The following DOCK10 variants were observed in gnomAD, a reference collection of about 807,000 sequenced individuals.
DOCK10 encodes the protein dedicator of cytokinesis protein 10.
DOCK10 carries 145 observed loss-of-function variants against 280.1 expected under a neutral mutation model. The ratio of observed to expected loss-of-function variants is 0.52; its 90% CI spans 0.45 to 0.59. DOCK10 has a LOEUF of 0.59. DOCK10 is among the 20% of genes least tolerant of loss of function. DOCK10 has a pLI of 0.00. For synonymous variants in DOCK10, 915 were observed against 942.2 expected (o/e 0.97, Z 0.53); for missense variants, 2,368 against 2,651.7 (o/e 0.89, Z 2.35).
At chr2:224,930,746 TTGCC>T (rs1304215040) in intron 2 of DOCK10, among the ~76,000 whole-genome samples, 3 of 152,164 alleles carry the variant, frequency 2.0e-5, no homozygotes, top group Non-Finnish European at 4.4e-5. Context: ...GCCTTTTTAT[TTGCC>T]TTAAGATGTT....
intron 1 of DOCK10, among the ~76,000 whole-genome samples, chr2:225,024,864 T>C (rs549697305): frequency 6.6e-6 from 1 of 151,550 alleles, no homozygotes; most frequent in Non-Finnish European, 1.5e-5. Flanking sequence ...TGCTCCACTG[T>C]GAGCAACCAA....
intron 1 of DOCK10, among the ~76,000 whole-genome samples, chr2:224,959,633 A>G (rs918041121): frequency 3.3e-5 from 5 of 152,152 alleles, no homozygotes; most frequent in Non-Finnish European, 7.3e-5. Context: ...TGCCCTTGAC[A>G]TGATTTGTAA....
chr2:224,837,895 T>C (rs961317276), intron 24 of DOCK10, 64 bp from the exon 25 acceptor site: 2 of 1,236,316 alleles, frequency 1.6e-6, no homozygotes, highest in Non-Finnish European at 2.4e-6. Context: ...CTTTAGTTTG[T>C]CATTACAGTG....
At chr2:224,879,064 G>A (rs929204327) in intron 7 of DOCK10, among the ~76,000 whole-genome samples, 1 of 152,210 alleles carries the variant, frequency 6.6e-6, no homozygotes, top group Admixed American at 6.5e-5. Flanking sequence ...AAGAGGTACT[G>A]GGTTCTATGA....
In DOCK10 at chr2:224,778,370, CAT is replaced by C. The variant is rs571903266; in HGVS notation, c.5656-88_5656-87del. On this transcript the variant is annotated intron_variant, in intron 50 of 55. Coordinates refer to ENST00000258390, the MANE Select transcript of DOCK10 (RefSeq NM_014689.3). ...AACAAAAAGCCATTTACTTAAAAAA[CAT>C]ATACAGTTTTTGGTTGTCATCTAAT... The C allele has an allele frequency of 6.9e-4, 940 of 1,368,744 alleles. 3 individuals are homozygous for C. The highest frequency in any genetic ancestry group is 2.8e-3 in the Middle Eastern group (16 of 5,634). 84.8% of individuals were successfully genotyped at this position (1,368,744 alleles called of 1,614,324 possible).
Position 224,765,523 on chromosome 2 carries a change from G to C in DOCK10, c.*198C>G, listed in dbSNP as rs1690036132. ...TCATGGCAAATATTCAACCTGGCTT[G>C]ATCAACACTGCTCAAAGAAAAAAAA... On this transcript the variant is annotated 3_prime_UTR_variant, in exon 56 of 56. Transcript: ENST00000258390. 2.0e-6 allele frequency: 1 copy of C among 505,008 alleles called. No homozygotes were observed. Among genetic ancestry groups the C allele is most frequent in the Non-Finnish European group, 3.5e-6 (1 of 283,942 alleles). 31.3% of individuals were successfully genotyped at this position (505,008 alleles called of 1,614,324 possible).
intron 1 of DOCK10, among the ~76,000 whole-genome samples, chr2:225,019,753 G>A (rs1689736440): frequency 6.6e-6 from 1 of 152,042 alleles, no homozygotes. Context: ...GGAATGTGAG[G>A]GTGAACAAAA....
intron 2 of DOCK10, among the ~76,000 whole-genome samples, chr2:224,922,290 A>C (rs908186739): frequency 1.3e-5 from 2 of 152,210 alleles, no homozygotes; most frequent in Non-Finnish European, 2.9e-5. Flanking sequence ...GGGTTTTAAT[A>C]TGGTTACAAA....
intron 3 of DOCK10, among the ~76,000 whole-genome samples, chr2:224,913,718 G>GTTTATTTATTTATTTA (rs113890271): frequency 2.0e-5 from 3 of 150,334 alleles, no homozygotes; most frequent in Admixed American, 6.6e-5. Context: ...TTGTTTGTCT[G>GTTTATTTATTTATTTA]TTTATTTATT....
intron 1 of DOCK10, among the ~76,000 whole-genome samples, chr2:225,015,376 C>T (rs143347209): frequency 3.9e-5 from 6 of 152,242 alleles, no homozygotes; most frequent in African/African-American, 7.2e-5. Context: ...TTTAAAGAAG[C>T]CTTTTCCAGA....
At chr2:224,782,416 A>C (rs893990421) in intron 50 of DOCK10, among the ~76,000 whole-genome samples, 2 of 152,164 alleles carry the variant, frequency 1.3e-5, no homozygotes, top group African/African-American at 4.8e-5. Flanking sequence ...ACTTGCTTTC[A>C]TGTTAAATAC....
At chr2:224,804,669 C>A (rs1437157599) in intron 38 of DOCK10, 125 bp downstream of exon 38, 13 of 681,424 alleles carry the variant, frequency 1.9e-5, no homozygotes, top group Non-Finnish European at 2.7e-5. Flanking sequence ...GTGACGTCAA[C>A]CTAACAATCC....
At chr2:224,931,507 G>A in intron 2 of DOCK10, 42 bp downstream of exon 2, 2 of 1,563,500 alleles carry the variant, frequency 1.3e-6, no homozygotes, top group Non-Finnish European at 1.7e-6. Flanking sequence ...CCAATGTGTA[G>A]GGCCCTCCTG....
intron 1 of DOCK10, among the ~76,000 whole-genome samples, chr2:225,023,158 C>T (rs1319178303): frequency 6.6e-6 from 1 of 152,064 alleles, no homozygotes; most frequent in Non-Finnish European, 1.5e-5. Flanking sequence ...GCCTCAGCCT[C>T]CCGAGTAGCT....
intron 1 of DOCK10, among the ~76,000 whole-genome samples, chr2:225,039,593 C>T (rs1341188329): frequency 6.6e-6 from 1 of 152,094 alleles, no homozygotes; most frequent in Non-Finnish European, 1.5e-5. Context: ...TCAACAACTG[C>T]CTTAAAATTT....
intron 50 of DOCK10, among the ~76,000 whole-genome samples, chr2:224,780,671 G>A (rs1036491280): frequency 1.3e-5 from 2 of 152,102 alleles, no homozygotes; most frequent in Non-Finnish European, 2.9e-5. Flanking sequence ...GGAGTCCGAG[G>A]TGGGCGGATC....
At chr2:224,865,392 T>C (rs182253216) in intron 11 of DOCK10, among the ~76,000 whole-genome samples, 44 of 152,322 alleles carry the variant, frequency 2.9e-4, no homozygotes, top group African/African-American at 1.0e-3. Context: ...CACCTAAGTC[T>C]CCAAGGCCCT....
chr2:224,779,943 T>A (rs1341228584), intron 50 of DOCK10, among the ~76,000 whole-genome samples: 1 of 152,156 alleles, frequency 6.6e-6, no homozygotes, highest in Non-Finnish European at 1.5e-5. Flanking sequence ...CAACATTGCA[T>A]GCCCAGTGTT....
chr2:224,798,675 A>T (rs1331063651), intron 41 of DOCK10, among the ~76,000 whole-genome samples: 1 of 149,368 alleles, frequency 6.7e-6, no homozygotes, highest in Non-Finnish European at 1.5e-5. Flanking sequence ...TCTGTCACCT[A>T]AGCAGGAGTG....
Sources: gnomAD v4.1 joint callset for allele counts (sites outside exome capture counted in the v4.1 genomes callset) on GRCh38, gnomAD v4.1.1 for gene constraint, MANE v1.5 for transcripts, NCBI Gene and HGNC (gene_info 2026-07-23, HGNC 2026-07-21) for gene names.